VPS37A: variants seen among roughly 807,000 people sequenced by gnomAD.
The protein encoded by VPS37A is VPS37A subunit of ESCRT-I.
A neutral mutation model predicts 49.8 loss-of-function variants in VPS37A; 30 were observed. The observed-to-expected ratio is 0.60, with a 90% CI of 0.45 to 0.82. The LOEUF (loss-of-function observed/expected upper bound fraction) is 0.82, where lower values mean the gene tolerates loss of function less well. Among genes scored for constraint, VPS37A ranks in the 40% least tolerant of loss-of-function variants. VPS37A has a pLI of 0.00. For missense variants in VPS37A, 593 were observed against 464.4 expected, an observed-to-expected ratio of 1.28 and a Z score of -2.55; for synonymous variants, 195 against 160.6, an observed-to-expected ratio of 1.21 and a Z score of -1.62.
chr8:17,263,433 A>G (rs751746159), intron 1 of VPS37A, among the ~76,000 whole-genome samples: 10 of 152,140 alleles, frequency 6.6e-5, no homozygotes, highest in Non-Finnish European at 1.5e-4. Flanking sequence ...GCCATGATTA[A>G]CTTGTTTTGG....
At chr8:17,267,158 A>G (rs969013168) in intron 2 of VPS37A, among the ~76,000 whole-genome samples, 1 of 152,192 alleles carries the variant, frequency 6.6e-6, no homozygotes, top group Non-Finnish European at 1.5e-5. Flanking sequence ...TCCAAAGGCC[A>G]TTTAGTGCCT....
intron 6 of VPS37A, 127 bp downstream of exon 6, chr8:17,276,594 C>A: frequency 3.3e-6 from 3 of 900,072 alleles, no homozygotes; most frequent in Middle Eastern, 3.3e-4. Flanking sequence ...ATTGTTGTTG[C>A]CTTAGTGGGA....
At chr8:17,258,128 G>A (rs1014374730) in intron 1 of VPS37A, among the ~76,000 whole-genome samples, 4 of 151,974 alleles carry the variant, frequency 2.6e-5, no homozygotes, top group Non-Finnish European at 5.9e-5. Flanking sequence ...TTCCATTTTA[G>A]ATGCTGTTTA....
chr8:17,331,668 G>C, the VPS37A span, among the ~76,000 whole-genome samples: 25 of 152,174 alleles, frequency 1.6e-4, no homozygotes, highest in Non-Finnish European at 3.1e-4. Context: ...AGCAGAAACA[G>C]CTGTCAAAAT....
At chr8:17,291,657 G>C (rs1032768654) in intron 11 of VPS37A, among the ~76,000 whole-genome samples, 8 of 152,072 alleles carry the variant, frequency 5.3e-5, no homozygotes, top group African/African-American at 1.9e-4. Context: ...CTCTGTCCCA[G>C]AGATTCTGGT....
chr8:17,286,720 G>C (rs1323024335), intron 11 of VPS37A: 1 of 231,458 alleles, frequency 4.3e-6, no homozygotes, highest in South Asian at 1.0e-4. Flanking sequence ...CTGGTGTGTA[G>C]AGTATACCTT....
chr8:17,304,642 G>T, downstream of VPS37A: 1 of 935,808 alleles, frequency 1.1e-6, no homozygotes, highest in Non-Finnish European at 1.6e-6. Flanking sequence ...CTGTTCGATA[G>T]CAGGTAAATG....
At chr8:17,306,390 GAAAA>G (rs772416803), downstream of VPS37A, among the ~76,000 whole-genome samples, 2 of 146,250 alleles carry the variant, frequency 1.4e-5, no homozygotes, top group African/African-American at 5.0e-5. Flanking sequence ...AAGACAACTT[GAAAA>G]AAAAAAATAG....
the VPS37A span, among the ~76,000 whole-genome samples, chr8:17,328,767 G>C: frequency 6.6e-6 from 1 of 152,088 alleles, no homozygotes; most frequent in African/African-American, 2.4e-5. Context: ...TGAGGGAAAA[G>C]CCAGTATCTA....
the VPS37A span, among the ~76,000 whole-genome samples, chr8:17,316,486 TAC>T: frequency 6.6e-6 from 1 of 150,574 alleles, no homozygotes; most frequent in Non-Finnish European, 1.5e-5. Context: ...AAAACCTTTC[TAC>T]AGTCTCCTTG....
At chr8:17,313,459 G>A in the VPS37A span, 1 of 1,133,136 alleles carries the variant, frequency 8.8e-7, no homozygotes, top group Non-Finnish European at 1.3e-6. Flanking sequence ...TTTTACATAT[G>A]ATCATGTTTT....
intron 1 of VPS37A, 171 bp from the exon 2 acceptor site, chr8:17,265,736 C>T (rs776045964): frequency 6.6e-7 from 1 of 1,511,214 alleles, no homozygotes; most frequent in South Asian, 1.2e-5. Context: ...AGATGATGAG[C>T]CTTTCTAACT....
At chr8:17,255,374 G>A (rs1165867752) in intron 1 of VPS37A, among the ~76,000 whole-genome samples, 5 of 152,066 alleles carry the variant, frequency 3.3e-5, no homozygotes, top group African/African-American at 4.8e-5. Context: ...CCAGCTACTC[G>A]GGAGGCTGAG....
chr8:17,280,165 C>T lies in VPS37A; in HGVS notation c.841+10C>T, dbSNP rs1329021044. 1 of 1,612,050 alleles carries T rather than the reference C, an allele frequency of 6.2e-7. No homozygotes were observed. The highest frequency in any genetic ancestry group is 8.5e-7 in the Non-Finnish European group (1 of 1,179,108). ...ATTGAGGAACTAGCAAGTATGTTTT[C>T]CCTCTCCTGAGCGCACATTTCCTGA... On this transcript the variant is annotated intron_variant, in intron 7 of 11. Coordinates refer to ENST00000324849, the MANE Select transcript of VPS37A (RefSeq NM_152415.3).
intron 11 of VPS37A, among the ~76,000 whole-genome samples, chr8:17,287,121 G>A (rs1456186405): frequency 6.6e-6 from 1 of 152,166 alleles, no homozygotes; most frequent in Non-Finnish European, 1.5e-5. Context: ...TGTACCTGAT[G>A]TTAAGATGCC....
intron 9 of VPS37A, among the ~76,000 whole-genome samples, chr8:17,283,618 A>G (rs1815306874): frequency 6.6e-6 from 1 of 152,106 alleles, no homozygotes. Flanking sequence ...TCCTTTCCCC[A>G]TTAACTGGAC....
the VPS37A span, among the ~76,000 whole-genome samples, chr8:17,323,396 C>T: frequency 2.6e-5 from 4 of 151,948 alleles, no homozygotes; most frequent in Non-Finnish European, 1.5e-5. Context: ...AATATACAAA[C>T]GGAGCCAGGA....
chr8:17,286,467 T>G, intron 11 of VPS37A, 40 bp downstream of exon 11: 2 of 1,566,414 alleles, frequency 1.3e-6, no homozygotes, highest in Non-Finnish European at 1.8e-6. Context: ...GGTGATTGCA[T>G]CAGTGTTCTT....
At chr8:17,316,001 G>C in the VPS37A span, among the ~76,000 whole-genome samples, 2 of 152,168 alleles carry the variant, frequency 1.3e-5, no homozygotes, top group African/African-American at 4.8e-5. Flanking sequence ...TGATGACAGA[G>C]CCAGATCCTA....
Sources: allele counts gnomAD v4.1 joint callset (sites outside exome capture counted in the v4.1 genomes callset), GRCh38; gene constraint gnomAD v4.1.1; transcripts MANE v1.5; gene names NCBI Gene and HGNC (gene_info 2026-07-23, HGNC 2026-07-21).